The following CNTN5 variants were observed in gnomAD, a reference collection of about 807,000 sequenced individuals.
CNTN5 encodes the protein contactin-5.
A neutral mutation model predicts 129.1 loss-of-function variants in CNTN5; 77 were observed. The ratio of observed to expected loss-of-function variants is 0.60; its 90% confidence interval spans 0.50 to 0.72. The LOEUF (loss-of-function observed/expected upper bound fraction) is 0.72. Among genes scored for constraint, CNTN5 ranks in the 30% least tolerant of loss-of-function variants. The pLI is 0.00. For missense variants in CNTN5, 1,478 were observed against 1,328.8 expected, an observed-to-expected ratio of 1.11 and a Z score of -1.75; for synonymous variants, 509 against 465.6, an observed-to-expected ratio of 1.09 and a Z score of -1.20.
At chr11:99,625,923 T>TAC (rs59702051) in intron 3 of CNTN5, among the ~76,000 whole-genome samples, 1 of 28,198 alleles carries the variant, frequency 3.5e-5, no homozygotes, top group African/African-American at 1.1e-4. Context: ...TATATATATA[T>TAC]ACACACACAC....
chr11:99,386,583 T>C (rs1435606096), intron 2 of CNTN5, among the ~76,000 whole-genome samples: 1 of 152,146 alleles, frequency 6.6e-6, no homozygotes, highest in Non-Finnish European at 1.5e-5. Context: ...TAATGCAACC[T>C]GTTTTATCAA....
chr11:99,101,415 C>CA (rs1866730173), intron 1 of CNTN5, among the ~76,000 whole-genome samples: 1 of 152,172 alleles, frequency 6.6e-6, no homozygotes, highest in Non-Finnish European at 1.5e-5. Context: ...AGCATTAACT[C>CA]AAAAGTCTAC....
chr11:100,292,087 C>G (rs1950995742), intron 18 of CNTN5, among the ~76,000 whole-genome samples: 1 of 151,948 alleles, frequency 6.6e-6, no homozygotes, highest in South Asian at 2.1e-4. Flanking sequence ...GTCTCTCATT[C>G]CTTCCCAGCA....
At chr11:99,957,623 C>T (rs1463459809) in intron 8 of CNTN5, among the ~76,000 whole-genome samples, 1 of 152,064 alleles carries the variant, frequency 6.6e-6, no homozygotes, top group South Asian at 2.1e-4. Flanking sequence ...AATTCAAGTG[C>T]TATATTACCA....
chr11:99,860,995 G>A (rs187498172), intron 6 of CNTN5, among the ~76,000 whole-genome samples: 9 of 120,744 alleles, frequency 7.5e-5, no homozygotes, highest in South Asian at 2.7e-4. Flanking sequence ...TCGCTCTGTC[G>A]CCCAGGCTGG....
At chr11:100,325,203 A>G (rs531859500) in intron 21 of CNTN5, among the ~76,000 whole-genome samples, 15 of 152,288 alleles carry the variant, frequency 9.8e-5, no homozygotes, top group Admixed American at 7.8e-4. Context: ...GGAAGAATGT[A>G]AAAAGCAATC....
intron 2 of CNTN5, among the ~76,000 whole-genome samples, chr11:99,390,052 G>A (rs909311537): frequency 6.6e-6 from 1 of 152,070 alleles, no homozygotes; most frequent in Non-Finnish European, 1.5e-5. Flanking sequence ...CTGACATATA[G>A]TAGGTATATG....
intron 15 of CNTN5, among the ~76,000 whole-genome samples, chr11:100,215,469 A>C (rs1949119504): frequency 6.6e-6 from 1 of 152,222 alleles, no homozygotes; most frequent in Non-Finnish European, 1.5e-5. Flanking sequence ...ACAACACTGC[A>C]TACAAGTAGT....
In CNTN5 at chr11:99,169,115, C is replaced by T. The variant is rs1861024896; in HGVS notation, c.-210+147845C>T. Reference sequence around the variant, plus strand: ...GTGAAATAAAGACTGGGAGTAGCATCTCAGGCCTCATAAACAAAACATGGC... The same window carrying T: ...GTGAAATAAAGACTGGGAGTAGCATTTCAGGCCTCATAAACAAAACATGGC... On this transcript the variant is annotated intron_variant, in intron 1 of 24. Coordinates refer to ENST00000524871, the MANE Select transcript of CNTN5 (RefSeq NM_014361.4). Among the ~76,000 whole-genome samples, 5 of 152,154 alleles carry T rather than the reference C, an allele frequency of 3.3e-5. No individual in the cohort carries two copies. The South Asian group carries it at 1.0e-3, about 31-fold the overall frequency.
intron 2 of CNTN5, among the ~76,000 whole-genome samples, chr11:99,508,701 C>A (rs368180862): frequency 7.8e-6 from 1 of 128,556 alleles, no homozygotes; most frequent in East Asian, 2.0e-4. Context: ...TTTTTTGACA[C>A]GGAATTTTGT....
At chr11:99,339,504 G>A (rs1836725720) in intron 2 of CNTN5, among the ~76,000 whole-genome samples, 2 of 152,206 alleles carry the variant, frequency 1.3e-5, no homozygotes, top group Non-Finnish European at 2.9e-5. Context: ...AAGTGGCCAG[G>A]CTCAGTGGCT....
chr11:99,442,244 A>G (rs1343737744), intron 2 of CNTN5, among the ~76,000 whole-genome samples: 1 of 151,992 alleles, frequency 6.6e-6, no homozygotes, highest in Non-Finnish European at 1.5e-5. Context: ...ACCTTGGCTC[A>G]CCGCAACCTC....
At chr11:99,049,085 A>G (rs1204307341) in intron 1 of CNTN5, among the ~76,000 whole-genome samples, 1 of 152,134 alleles carries the variant, frequency 6.6e-6, no homozygotes, top group Non-Finnish European at 1.5e-5. Context: ...TAAGTAGTAA[A>G]ACATATGGGT....
At chr11:99,249,135 A>G (rs1337752330) in intron 1 of CNTN5, among the ~76,000 whole-genome samples, 1 of 151,868 alleles carries the variant, frequency 6.6e-6, no homozygotes, top group African/African-American at 2.4e-5. Context: ...ATCCTCTTTT[A>G]TTTCGTTGAG....
intron 2 of CNTN5, among the ~76,000 whole-genome samples, chr11:99,337,379 A>G (rs896818264): frequency 1.3e-5 from 2 of 152,136 alleles, no homozygotes; most frequent in African/African-American, 2.4e-5. Context: ...ACAGACATTT[A>G]CCCACGTATT....
Position 100,193,591 on chromosome 11 carries a change from T to G in CNTN5, c.1812T>G (p.Thr604=). The stretch of plus-strand genomic sequence containing the variant: ...TTCACGATGCTAGTTTGGATGTCAC[T>G]TTCTACTGGACTCTGAAAGGACAGC... ...KAIHDASLDV[T]FYWTLKGQPI... Residue 604 remains threonine, a synonymous_variant, in exon 15 of 25, where the codon ACT becomes ACG. Transcript: ENST00000524871. 6.2e-7 allele frequency: 1 copy of G among 1,612,256 alleles called. No individual in the cohort carries two copies. The highest frequency in any genetic ancestry group is 8.5e-7 in the Non-Finnish European group (1 of 1,178,886).
At chr11:100,191,050 G>T in intron 13 of CNTN5, 76 bp from the exon 14 acceptor site, 1 of 986,214 alleles carries the variant, frequency 1.0e-6, no homozygotes, top group South Asian at 1.7e-5. Context: ...AATGGTTTTA[G>T]ACTTCATCAT....
At chr11:100,002,012 A>C in intron 8 of CNTN5, 22 bp from the exon 9 acceptor site, 1 of 1,462,166 alleles carries the variant, frequency 6.8e-7, no homozygotes, top group Non-Finnish European at 9.4e-7. Context: ...TTGATGCTTA[A>C]AGACTATTCT....
rs1408634034 is a variant in CNTN5 at position 99,598,361 on chromosome 11, T to C, written c.55+42092T>C. 3.6e-3 allele frequency among the ~76,000 whole-genome samples: 94 copies of C among 25,984 alleles called. 17 individuals carry two copies. Among genetic ancestry groups the C allele is most frequent in the South Asian group, 0.014 (5 of 346 alleles). The allele number at this position is 25,984 out of a possible 152,430, so 17.0% of individuals were successfully genotyped here. A position where few individuals can be genotyped will look rare whatever the true frequency, so the allele number is the denominator to read the frequency against. ...CTCTCTCTCTCTCTCTCTCTCTCTC[T>C]CTCTCTCTCTCTCCCTCTCTCTCTC... On this transcript the variant is annotated intron_variant, in intron 3 of 24. Coordinates refer to ENST00000524871, the MANE Select transcript of CNTN5 (RefSeq NM_014361.4).
Sources: allele counts gnomAD v4.1 joint callset (sites outside exome capture counted in the v4.1 genomes callset), GRCh38; gene constraint gnomAD v4.1.1; transcripts MANE v1.5; gene names NCBI Gene and HGNC (gene_info 2026-07-23, HGNC 2026-07-21).